The following CLASP1 variants were observed in gnomAD, a reference collection of about 807,000 sequenced individuals.
The protein encoded by CLASP1 is CLIP-associating protein 1.
A neutral mutation model predicts 192.3 loss-of-function variants in CLASP1; 38 were observed. The ratio of observed to expected loss-of-function variants is 0.20; its 90% CI spans 0.15 to 0.26. The LOEUF is 0.26. CLASP1 is among the 10% of genes least tolerant of loss of function. CLASP1 has a pLI of 1.00. For synonymous variants in CLASP1, 691 were observed against 712.8 expected, an observed-to-expected ratio of 0.97 and a Z score of 0.49; for missense variants, 1,433 against 1,932.5, an observed-to-expected ratio of 0.74 and a Z score of 4.85.
At position 121,478,659 on chromosome 2, in the gene CLASP1, CACCCCCCA is replaced by C. The variant is rs1456387532; in HGVS notation, c.713-8707_713-8700del. ...CACACACACACCCCCCACACACACA[CACCCCCCA>C]CACACACCACACACACACCCCACAC... is the stretch of plus-strand genomic sequence containing the variant. On this transcript the variant is annotated intron_variant, in intron 8 of 39. Transcript: ENST00000263710. Among the ~76,000 whole-genome samples, 22 of 91,518 alleles carry C rather than the reference CACCCCCCA, an allele frequency of 2.4e-4. 1 individual carries two copies. The highest frequency in any genetic ancestry group is 1.0e-3 in the African/African-American group (20 of 19,326). 60.0% of individuals were successfully genotyped at this position (91,518 alleles called of 152,430 possible).
intron 2 of CLASP1, among the ~76,000 whole-genome samples, chr2:121,548,023 C>T (rs2057642810): frequency 6.6e-6 from 1 of 152,156 alleles, no homozygotes; most frequent in African/African-American, 2.4e-5. Flanking sequence ...ATATGTCTCC[C>T]AACAACCACA....
At chr2:121,348,761 C>T in intron 37 of CLASP1, 43 bp from the exon 39 acceptor site, 2 of 1,488,820 alleles carry the variant, frequency 1.3e-6, no homozygotes, top group Non-Finnish European at 9.0e-7. Context: ...CCACATGCCA[C>T]ATGAAGCGAA....
intron 2 of CLASP1, among the ~76,000 whole-genome samples, chr2:121,594,342 T>C (rs1488056504): frequency 1.3e-5 from 2 of 151,692 alleles, no homozygotes; most frequent in South Asian, 4.1e-4. Context: ...GACATTAGCA[T>C]GACAACAGGT....
At chr2:121,346,587 C>T (rs528854920) in intron 39 of CLASP1, among the ~76,000 whole-genome samples, 3 of 152,228 alleles carry the variant, frequency 2.0e-5, no homozygotes, top group Non-Finnish European at 2.9e-5. Flanking sequence ...GGGATGTTGC[C>T]GTAAACATGA....
chr2:121,620,640 G>A (rs905619870), intron 1 of CLASP1, among the ~76,000 whole-genome samples: 2 of 151,876 alleles, frequency 1.3e-5, no homozygotes, highest in African/African-American at 2.4e-5. Context: ...GAGCCACCAC[G>A]CCCGGCCTTG....
chr2:121,567,505 C>T (rs17775949), intron 2 of CLASP1, among the ~76,000 whole-genome samples: 85,427 of 152,100 alleles, frequency 0.56, 27,283 homozygotes, highest in East Asian at 0.72. Flanking sequence ...CAGAAGCTTT[C>T]GCTAGTTACC....
chr2:121,414,517 T>C (rs1351425573), intron 23 of CLASP1, among the ~76,000 whole-genome samples: 1 of 152,188 alleles, frequency 6.6e-6, no homozygotes, highest in Non-Finnish European at 1.5e-5. Context: ...TCAGCCAGTA[T>C]GGACATATGC....
chr2:121,569,712 G>C (rs766450224), intron 2 of CLASP1, among the ~76,000 whole-genome samples: 1 of 152,040 alleles, frequency 6.6e-6, no homozygotes, highest in Admixed American at 6.6e-5. Context: ...GTGGTGGTGC[G>C]TGCCTGTAGT....
intron 22 of CLASP1, among the ~76,000 whole-genome samples, chr2:121,424,249 C>T (rs1396441542): frequency 1.3e-5 from 2 of 152,202 alleles, no homozygotes; most frequent in Non-Finnish European, 2.9e-5. Context: ...CAATAGATAT[C>T]AAGCTTTTTG....
chr2:121,344,078 A>C (rs1271043584), intron 39 of CLASP1, among the ~76,000 whole-genome samples: 1 of 152,138 alleles, frequency 6.6e-6, no homozygotes, highest in Non-Finnish European at 1.5e-5. Flanking sequence ...CTCAAAAAAA[A>C]ACAGTTACAA....
intron 8 of CLASP1, among the ~76,000 whole-genome samples, chr2:121,476,912 A>T (rs1045665700): frequency 6.6e-6 from 1 of 152,138 alleles, no homozygotes; most frequent in African/African-American, 2.4e-5. Flanking sequence ...AATATCCCAA[A>T]ATTTCTTTCT....
intron 7 of CLASP1, among the ~76,000 whole-genome samples, chr2:121,507,221 T>TA (rs1207383320): frequency 6.6e-6 from 1 of 151,990 alleles, no homozygotes; most frequent in African/African-American, 2.4e-5. Context: ...TCTCACCAAA[T>TA]AGAGAAAAAC....
At position 121,469,883 on chromosome 2, in the gene CLASP1, G is replaced by A; in HGVS notation, c.790C>T (p.Pro264Ser). 1 of 1,613,872 alleles carries A rather than the reference G, an allele frequency of 6.2e-7. No homozygotes were observed. Among genetic ancestry groups the A allele is most frequent in the Non-Finnish European group, 8.5e-7 (1 of 1,179,832 alleles). The change falls in exon 9 of 40, where the codon CCA becomes TCA. Residue 264 changes from proline (P) to serine (S), a missense_variant. This residue lies in a region of CLASP1 where 282 missense variants were observed against 359.9 expected (regional missense o/e 0.78). Transcript: ENST00000263710. ...ATTCCAACGTTTCTCCGAGAACTTG[G>A]TGGAGCCTTGGATGATGTAGAACTA...
chr2:121,549,132 G>A (rs2057758498), intron 2 of CLASP1, among the ~76,000 whole-genome samples: 1 of 152,130 alleles, frequency 6.6e-6, no homozygotes, highest in South Asian at 2.1e-4. Context: ...CACATAAAAG[G>A]CACAGAGTGG....
rs140500746 is a variant in CLASP1, at chr2:121,586,768, C to T, written c.195+18933G>A. Among the ~76,000 whole-genome samples, 8 of 152,288 alleles carry T rather than the reference C, an allele frequency of 5.3e-5. No homozygotes were observed. In the East Asian group the frequency reaches 7.7e-4, roughly 15 times the overall value. ...CCTTCATTGTATATGAAGAGCTGCA[C>T]GTTGAAGCCCCTGAGGCCTAGGTTA... On this transcript the variant is annotated intron_variant, in intron 2 of 39. Transcript: ENST00000263710.
At chr2:121,638,287 A>G (rs962262138) in intron 1 of CLASP1, among the ~76,000 whole-genome samples, 15 of 152,134 alleles carry the variant, frequency 9.9e-5, no homozygotes, top group African/African-American at 3.6e-4. Context: ...GAATGGTTAT[A>G]ATAAAAATAA....
At chr2:121,521,430 G>A (rs561756039) in intron 6 of CLASP1, among the ~76,000 whole-genome samples, 7 of 152,310 alleles carry the variant, frequency 4.6e-5, no homozygotes, top group Non-Finnish European at 1.0e-4. Flanking sequence ...TGCTGTGCCT[G>A]TGCTGAGAGC....
At chr2:121,457,250 C>CCTTT (rs2149842527) in intron 14 of CLASP1, among the ~76,000 whole-genome samples, 1 of 152,268 alleles carries the variant, frequency 6.6e-6, no homozygotes, top group Non-Finnish European at 1.5e-5. Flanking sequence ...CAAACACATA[C>CCTTT]CTTTCCCCTC....
At chr2:121,438,427 T>C (rs1226425330) in intron 19 of CLASP1, among the ~76,000 whole-genome samples, 1 of 152,242 alleles carries the variant, frequency 6.6e-6, no homozygotes, top group African/African-American at 2.4e-5. Context: ...TGTTTTGTTT[T>C]TCTCACCTGT....
Sources: gnomAD v4.1 joint callset for allele counts (sites outside exome capture counted in the v4.1 genomes callset) on GRCh38, gnomAD v4.1.1 for gene constraint, gnomAD v4.1.1 regional missense constraint, MANE v1.5 for transcripts, NCBI Gene and HGNC (gene_info 2026-07-23, HGNC 2026-07-21) for gene names.